Variants in CDKAL1 observed in about 807,000 individuals in gnomAD.
CDKAL1 encodes the protein CDKAL1 threonylcarbamoyladenosine tRNA methylthiotransferase, also known as threonylcarbamoyladenosine tRNA methylthiotransferase.
In CDKAL1, 32 loss-of-function variants were observed where a neutral mutation model predicts 68.2. That is an observed-to-expected ratio of 0.47 (90% CI 0.35 to 0.63). The LOEUF is 0.63. Ranked by LOEUF, CDKAL1 falls within the 30% of genes least tolerant of loss-of-function variation. CDKAL1 has a pLI of 0.00. For synonymous variants in CDKAL1, 234 were observed against 244.3 expected (o/e 0.96, Z 0.39); for missense variants, 606 against 696.7 (o/e 0.87, Z 1.47).
intron 6 of CDKAL1, among the ~76,000 whole-genome samples, chr6:20,755,811 C>G (rs1774144109): frequency 6.6e-6 from 1 of 152,132 alleles, no homozygotes; most frequent in Non-Finnish European, 1.5e-5. Context: ...CAACTGGTGT[C>G]CCAATATTGT....
At chr6:20,780,604 C>T (rs2150374669) in intron 7 of CDKAL1, among the ~76,000 whole-genome samples, 1 of 151,120 alleles carries the variant, frequency 6.6e-6, no homozygotes, top group South Asian at 2.1e-4. Flanking sequence ...CTCATCTGTG[C>T]AAATATAAGC....
chr6:21,083,450 G>A (rs1330666806), intron 12 of CDKAL1, among the ~76,000 whole-genome samples: 2 of 152,146 alleles, frequency 1.3e-5, no homozygotes, highest in Non-Finnish European at 2.9e-5. Flanking sequence ...TGAAGAGAAA[G>A]ACAGATGTAG....
chr6:20,596,258 C>CCA (rs1765818293), intron 4 of CDKAL1, among the ~76,000 whole-genome samples: 1 of 152,192 alleles, frequency 6.6e-6, no homozygotes, highest in Non-Finnish European at 1.5e-5. Flanking sequence ...GAAGCTGTGC[C>CCA]CACAGCTGCC....
intron 13 of CDKAL1, among the ~76,000 whole-genome samples, chr6:21,130,268 A>G (rs909660516): frequency 1.8e-4 from 23 of 125,528 alleles, no homozygotes; most frequent in African/African-American, 7.2e-4. Flanking sequence ...CTTGTTCCCC[A>G]GGCTGGAGTG....
intron 11 of CDKAL1, among the ~76,000 whole-genome samples, chr6:21,042,360 G>A (rs530003388): frequency 1.3e-5 from 2 of 152,194 alleles, no homozygotes; most frequent in South Asian, 2.1e-4. Flanking sequence ...GCACCAGGGA[G>A]GTAAAAGCTG....
At chr6:20,590,514 C>T (rs984969046) in intron 4 of CDKAL1, among the ~76,000 whole-genome samples, 1 of 152,050 alleles carries the variant, frequency 6.6e-6, no homozygotes, top group Non-Finnish European at 1.5e-5. Flanking sequence ...CCTAGCCCCC[C>T]ACTCCCCAAC....
At chr6:21,075,814 C>T (rs1431517205) in intron 12 of CDKAL1, among the ~76,000 whole-genome samples, 1 of 152,010 alleles carries the variant, frequency 6.6e-6, no homozygotes, top group Non-Finnish European at 1.5e-5. Context: ...TTTTGATCCT[C>T]GGCGGTCAAT....
intron 13 of CDKAL1, among the ~76,000 whole-genome samples, chr6:21,154,833 C>T (rs1203427096): frequency 1.3e-5 from 2 of 151,826 alleles, no homozygotes; most frequent in African/African-American, 4.8e-5. Context: ...ACTAAAAATA[C>T]CAAAAAAAAA....
chr6:21,089,381 G>A (rs1772876634), intron 12 of CDKAL1, among the ~76,000 whole-genome samples: 1 of 152,282 alleles, frequency 6.6e-6, no homozygotes, highest in East Asian at 1.9e-4. Flanking sequence ...GGAGGCTGAG[G>A]CAGGAGGATC....
intron 8 of CDKAL1, among the ~76,000 whole-genome samples, chr6:20,783,523 C>T (rs1711605885): frequency 6.6e-6 from 1 of 152,180 alleles, no homozygotes; most frequent in African/African-American, 2.4e-5. Context: ...GTCTTGACTG[C>T]AGGCCTCCCT....
chr6:20,590,351 A>AT (rs1276426231), intron 4 of CDKAL1, among the ~76,000 whole-genome samples: 1 of 151,914 alleles, frequency 6.6e-6, no homozygotes, highest in African/African-American at 2.4e-5. Flanking sequence ...TTTTGTTTTT[A>AT]TTTTTTATTT....
intron 9 of CDKAL1, among the ~76,000 whole-genome samples, chr6:20,895,268 A>C: frequency 6.6e-6 from 1 of 152,118 alleles, no homozygotes; most frequent in East Asian, 1.9e-4. Flanking sequence ...CTGGTAATGG[A>C]TATTTGGGTT....
intron 9 of CDKAL1, among the ~76,000 whole-genome samples, chr6:20,930,779 C>G (rs1763407461): frequency 6.7e-6 from 1 of 148,692 alleles, no homozygotes; most frequent in South Asian, 2.1e-4. Flanking sequence ...GAGTCTCGCT[C>G]TGTTGCCCAG....
At chr6:21,072,772 C>T (rs1771861579) in intron 12 of CDKAL1, among the ~76,000 whole-genome samples, 1 of 151,206 alleles carries the variant, frequency 6.6e-6, no homozygotes, top group African/African-American at 2.4e-5. Flanking sequence ...ATGTTTCCTG[C>T]CCCTACACAT....
At chr6:20,878,308 C>G (rs888310752) in intron 9 of CDKAL1, among the ~76,000 whole-genome samples, 1 of 152,142 alleles carries the variant, frequency 6.6e-6, no homozygotes, top group African/African-American at 2.4e-5. Context: ...CTTATCTGTT[C>G]GTACCTAATA....
intron 12 of CDKAL1, among the ~76,000 whole-genome samples, chr6:21,105,009 A>G (rs1773778067): frequency 6.6e-6 from 1 of 152,142 alleles, no homozygotes; most frequent in African/African-American, 2.4e-5. Context: ...ATTTTATTTT[A>G]TCTAGCATAA....
intron 8 of CDKAL1, among the ~76,000 whole-genome samples, chr6:20,801,597 TTTA>T (rs1377840758): frequency 6.6e-6 from 1 of 152,200 alleles, no homozygotes; most frequent in Non-Finnish European, 1.5e-5. Flanking sequence ...TTTGTAGGAT[TTTA>T]TGTAAAATTT....
At chr6:21,005,673 A>G (rs1381836048) in intron 11 of CDKAL1, among the ~76,000 whole-genome samples, 1 of 152,134 alleles carries the variant, frequency 6.6e-6, no homozygotes, top group Non-Finnish European at 1.5e-5. Flanking sequence ...ATCCCATGAT[A>G]TTGTTCATTT....
At chr6:20,797,548 A>G (rs560981698) in intron 8 of CDKAL1, among the ~76,000 whole-genome samples, 3 of 152,322 alleles carry the variant, frequency 2.0e-5, no homozygotes, top group East Asian at 3.9e-4. Context: ...TGTTTATGGC[A>G]GCTTCCTTCC....
Sources: gnomAD v4.1 joint callset for allele counts (sites outside exome capture counted in the v4.1 genomes callset) on GRCh38, gnomAD v4.1.1 for gene constraint, MANE v1.5 for transcripts, NCBI Gene and HGNC (gene_info 2026-07-23, HGNC 2026-07-21) for gene names.